Variants in AGBL1 observed in about 807,000 individuals in gnomAD.
The protein encoded by AGBL1 is AGBL carboxypeptidase 1, also known as cytosolic carboxypeptidase 4.
Under a neutral mutation model 118.9 loss-of-function variants are expected in AGBL1, and 130 were observed. That is an observed-to-expected ratio of 1.09 (90% CI 0.95 to 1.26). AGBL1 has a LOEUF of 1.26. AGBL1 is among the 50% of genes most tolerant of loss of function. AGBL1 has a pLI of 0.00. For synonymous variants in AGBL1, 555 were observed against 478.9 expected (o/e 1.16, Z -2.08); for missense variants, 1,584 against 1,298.1 (o/e 1.22, Z -3.38).
chr15:86,231,430 G>A (rs942763695), intron 6 of AGBL1, among the ~76,000 whole-genome samples: 4 of 152,254 alleles, frequency 2.6e-5, no homozygotes, highest in African/African-American at 9.6e-5. Context: ...TTCTGGAGAA[G>A]CATGCAGTAT....
chr15:86,526,544 G>GTGTGTGTATATATA (rs754816154), intron 19 of AGBL1, among the ~76,000 whole-genome samples: 3 of 119,440 alleles, frequency 2.5e-5, no homozygotes, highest in South Asian at 2.9e-4. Flanking sequence ...TTGTGTCTGT[G>GTGTGTGTATATATA]TATATATATA....
rs150665137 is a variant in AGBL1 at position 86,413,447 on chromosome 15, G to A, written c.2555+15901G>A. Among the ~76,000 whole-genome samples, 479 of 152,226 alleles carry A rather than the reference G, an allele frequency of 3.1e-3. 1 individual carries two copies. The highest frequency in any genetic ancestry group is 0.011 in the African/African-American group (452 of 41,572). ...CTATTTTTAGTTCTTTGTGAAATCT[G>A]CATGCTGTCTTCCATAGGGATAATA... On this transcript the variant is annotated intron_variant, in intron 18 of 22. Transcript: ENST00000614907.
At chr15:86,624,400 C>T (rs1359771038) in intron 21 of AGBL1, among the ~76,000 whole-genome samples, 1 of 152,152 alleles carries the variant, frequency 6.6e-6, no homozygotes, top group African/African-American at 2.4e-5. Context: ...TTATTGAGCA[C>T]CTACAGTATA....
chr15:86,109,524 G>A (rs911749742), intron 1 of AGBL1, among the ~76,000 whole-genome samples: 13 of 152,106 alleles, frequency 8.5e-5, no homozygotes, highest in African/African-American at 3.1e-4. Context: ...AGAAAATAAG[G>A]ATAATTCAAC....
chr15:86,284,728 G>T (rs571094514), intron 16 of AGBL1, among the ~76,000 whole-genome samples: 1 of 152,228 alleles, frequency 6.6e-6, no homozygotes, highest in South Asian at 2.1e-4. Context: ...AGTGCATAGT[G>T]CTTCTCACTT....
intron 18 of AGBL1, among the ~76,000 whole-genome samples, chr15:86,468,136 CA>C (rs1293644078): frequency 6.6e-6 from 1 of 152,096 alleles, no homozygotes; most frequent in East Asian, 1.9e-4. Context: ...TTCCTACCTG[CA>C]GATACTTGGA....
At chr15:87,008,177 G>A (rs1338773496) in intron 24 of AGBL1, among the ~76,000 whole-genome samples, 2 of 152,178 alleles carry the variant, frequency 1.3e-5, no homozygotes, top group Non-Finnish European at 2.9e-5. Flanking sequence ...AGGAAGATCT[G>A]CTTCCACCTG....
chr15:86,530,625 G>T (rs2083336592), intron 19 of AGBL1, among the ~76,000 whole-genome samples: 2 of 151,330 alleles, frequency 1.3e-5, no homozygotes, highest in Admixed American at 1.3e-4. Context: ...GACATCTACA[G>T]AACTCTCCAC....
chr15:86,761,553 T>C (rs1391180158), intron 22 of AGBL1, among the ~76,000 whole-genome samples: 1 of 152,026 alleles, frequency 6.6e-6, no homozygotes, highest in African/African-American at 2.4e-5. Context: ...TTGCTTCCAT[T>C]CAGTTAGAAG....
chr15:86,084,143 T>C (rs1045087754), intron 1 of AGBL1, among the ~76,000 whole-genome samples: 2 of 152,134 alleles, frequency 1.3e-5, no homozygotes, highest in African/African-American at 4.8e-5. Flanking sequence ...AGAGACAAAA[T>C]TGGCAAGAAA....
At chr15:86,777,968 A>G (rs1456417751) in intron 22 of AGBL1, among the ~76,000 whole-genome samples, 1 of 152,028 alleles carries the variant, frequency 6.6e-6, no homozygotes, top group African/African-American at 2.4e-5. Flanking sequence ...GGCGAAGTTC[A>G]CCCCCAATAT....
intron 4 of AGBL1, among the ~76,000 whole-genome samples, chr15:86,158,201 G>A (rs1024883437): frequency 2.0e-5 from 3 of 152,088 alleles, no homozygotes; most frequent in African/African-American, 7.2e-5. Flanking sequence ...CAATAGCAAA[G>A]ACATCAGCCT....
At chr15:86,593,353 C>T (rs1374044553) in intron 21 of AGBL1, among the ~76,000 whole-genome samples, 1 of 150,954 alleles carries the variant, frequency 6.6e-6, no homozygotes, top group East Asian at 1.9e-4. Context: ...ATCTGGTGTG[C>T]TCCTTGCTAC....
At chr15:86,226,950 T>A (rs1038452343) in intron 6 of AGBL1, among the ~76,000 whole-genome samples, 1 of 152,258 alleles carries the variant, frequency 6.6e-6, no homozygotes, top group Non-Finnish European at 1.5e-5. Flanking sequence ...CTGTATTGGT[T>A]GTTGTATTAC....
chr15:86,385,184 A>AT (rs1488489603), intron 17 of AGBL1, among the ~76,000 whole-genome samples: 4 of 152,262 alleles, frequency 2.6e-5, no homozygotes, highest in South Asian at 4.1e-4. Context: ...CTCATTCATC[A>AT]TTTTTTCATA....
chr15:86,764,876 TCTCTA>T (rs1385870706), intron 22 of AGBL1, among the ~76,000 whole-genome samples: 2 of 152,066 alleles, frequency 1.3e-5, no homozygotes, highest in Non-Finnish European at 2.9e-5. Flanking sequence ...ACTTGATTAA[TCTCTA>T]CTCTAATGAA....
At chr15:86,333,053 A>C (rs2080300124) in intron 17 of AGBL1, among the ~76,000 whole-genome samples, 1 of 152,190 alleles carries the variant, frequency 6.6e-6, no homozygotes, top group East Asian at 1.9e-4. Flanking sequence ...ATTAAGAAGA[A>C]AGTTTATAGT....
At chr15:86,328,334 G>A (rs1486238864) in intron 17 of AGBL1, among the ~76,000 whole-genome samples, 1 of 152,106 alleles carries the variant, frequency 6.6e-6, no homozygotes, top group Non-Finnish European at 1.5e-5. Flanking sequence ...GATACAGAAA[G>A]TATGGTAAAA....
chr15:86,712,485 C>T (rs1190187304), intron 22 of AGBL1, among the ~76,000 whole-genome samples: 2 of 151,908 alleles, frequency 1.3e-5, no homozygotes, highest in Non-Finnish European at 2.9e-5. Context: ...GAATATGAAA[C>T]TTAATGTGGC....
Sources: gnomAD v4.1 joint callset for allele counts (sites outside exome capture counted in the v4.1 genomes callset) on GRCh38, gnomAD v4.1.1 for gene constraint, MANE v1.5 for transcripts, NCBI Gene and HGNC (gene_info 2026-07-23, HGNC 2026-07-21) for gene names.